OIP5: variants seen among roughly 807,000 people sequenced by gnomAD.
OIP5 encodes the protein Opa interacting protein 5.
Under a neutral mutation model 20.3 loss-of-function variants are expected in OIP5, and 24 were observed. The ratio of observed to expected loss-of-function variants is 1.18; its 90% CI spans 0.86 to 1.66. The LOEUF (loss-of-function observed/expected upper bound fraction) is 1.66, where lower values mean the gene tolerates loss of function less well. Ranked by LOEUF, OIP5 falls within the 40% of genes most tolerant of loss-of-function variation. OIP5 has a pLI of 0.00. For missense variants in OIP5, 339 were observed against 289.5 expected (o/e 1.17, Z -1.24); for synonymous variants, 143 against 121.3 (o/e 1.18, Z -1.17).
intron 2 of OIP5, among the ~76,000 whole-genome samples, chr15:41,327,504 A>T (rs541754101): frequency 6.6e-6 from 1 of 151,612 alleles, no homozygotes; most frequent in South Asian, 2.1e-4. Context: ...TTAAAAAGAA[A>T]AGAGGCTGGG....
chr15:41,330,590 A>C (rs1403071954), intron 2 of OIP5, among the ~76,000 whole-genome samples: 2 of 151,742 alleles, frequency 1.3e-5, no homozygotes, highest in Non-Finnish European at 2.9e-5. Context: ...TTTTTAGTAG[A>C]GACACGGTTT....
rs747873452 is a variant in OIP5 at position 41,332,280 on chromosome 15, G to A, written c.282C>T (p.Ala94=). The A allele has an allele frequency of 3.1e-5, 49 of 1,570,988 alleles. No homozygotes were observed. Among genetic ancestry groups the A allele is most frequent in the Middle Eastern group, 3.4e-4 (2 of 5,866 alleles). Reference sequence around the variant, plus strand: ...CCCCGAGGGACCGCGACAGGTCCCAGGCGAGGTGCACCGAGTCGGCGAGCA... The same window carrying A: ...CCCCGAGGGACCGCGACAGGTCCCAAGCGAGGTGCACCGAGTCGGCGAGCA... ...HAVLADSVHL[A]WDLSRSLGAV... is the part of the protein sequence containing the mutation. The change falls in exon 1 of 5, where the codon GCC becomes GCT. Residue 94 remains alanine (A), a synonymous_variant. Coordinates refer to ENST00000220514, the MANE Select transcript of OIP5 (RefSeq NM_007280.2).
intron 2 of OIP5, among the ~76,000 whole-genome samples, chr15:41,326,626 G>A (rs1017429712): frequency 2.0e-5 from 3 of 152,150 alleles, no homozygotes; most frequent in East Asian, 1.9e-4. Context: ...GGGTTTCCCC[G>A]TGTTGGCCAG....
At chr15:41,313,503 A>AC in intron 3 of OIP5, 149 bp from the exon 4 acceptor site, 2 of 579,024 alleles carry the variant, frequency 3.5e-6, no homozygotes, top group South Asian at 2.1e-5. Flanking sequence ...CAGTTGGCCC[A>AC]CCATATCCAT....
At chr15:41,311,629 G>T (rs1364512648) in intron 4 of OIP5, among the ~76,000 whole-genome samples, 1 of 152,026 alleles carries the variant, frequency 6.6e-6, no homozygotes, top group African/African-American at 2.4e-5. Flanking sequence ...ATGCAATGGC[G>T]TGATCTTGGC....
At chr15:41,327,720 G>A (rs1487565429) in intron 2 of OIP5, among the ~76,000 whole-genome samples, 2 of 152,006 alleles carry the variant, frequency 1.3e-5, no homozygotes, top group Non-Finnish European at 2.9e-5. Flanking sequence ...CCCGGGAGGC[G>A]GAGTTTGCAG....
At chr15:41,327,710 C>G (rs2047870773) in intron 2 of OIP5, among the ~76,000 whole-genome samples, 1 of 152,036 alleles carries the variant, frequency 6.6e-6, no homozygotes, top group South Asian at 2.1e-4. Flanking sequence ...ATCACTTGAA[C>G]CCGGGAGGCG....
intron 4 of OIP5, 47 bp downstream of exon 4, chr15:41,313,226 G>T: frequency 1.8e-6 from 2 of 1,130,976 alleles, no homozygotes; most frequent in Non-Finnish European, 2.7e-6. Context: ...AAGTTATCAA[G>T]AGTTGTCTGT....
chr15:41,325,234 C>G (rs2047854211), intron 2 of OIP5, among the ~76,000 whole-genome samples: 1 of 151,868 alleles, frequency 6.6e-6, no homozygotes, highest in Non-Finnish European at 1.5e-5. Flanking sequence ...AAAACCCCAT[C>G]TCTACTAAAA....
At chr15:41,313,992 T>C (rs1166903079) in intron 3 of OIP5, among the ~76,000 whole-genome samples, 1 of 152,152 alleles carries the variant, frequency 6.6e-6, no homozygotes, top group African/African-American at 2.4e-5. Flanking sequence ...ATATGAATAA[T>C]TACGATGATT....
Position 41,332,460 on chromosome 15 carries a change from C to T in OIP5, c.102G>A (p.Thr34=). 2 of 1,614,080 alleles carry T rather than the reference C, an allele frequency of 1.2e-6. No homozygotes were observed. Among genetic ancestry groups the T allele is most frequent in the South Asian group, 1.1e-5 (1 of 91,080 alleles). The change falls in exon 1 of 5, where the codon ACG becomes ACA. Residue 34 remains threonine (T), a synonymous_variant. Coordinates refer to ENST00000220514, the MANE Select transcript of OIP5 (RefSeq NM_007280.2). ...CCTGCGTATCCCACTCCATGGAGGTCGTAAAAGAAGCTTGGTCAATCGCCC... is the reference window on the plus strand; with the variant it reads ...CCTGCGTATCCCACTCCATGGAGGTTGTAAAAGAAGCTTGGTCAATCGCCC... ...TERAIDQASF[T]TSMEWDTQVV... is the part of the protein sequence containing the mutation.
intron 2 of OIP5, among the ~76,000 whole-genome samples, chr15:41,330,576 T>G (rs917374220): frequency 1.3e-5 from 2 of 152,098 alleles, no homozygotes; most frequent in Non-Finnish European, 2.9e-5. Flanking sequence ...GCTAATTTTT[T>G]GTATTTTTAG....
At chr15:41,322,261 A>G (rs534750964) in intron 2 of OIP5, among the ~76,000 whole-genome samples, 5 of 152,306 alleles carry the variant, frequency 3.3e-5, no homozygotes, top group Admixed American at 6.5e-5. Flanking sequence ...CAACATGGTA[A>G]TACCCCGTCT....
At chr15:41,318,880 A>T (rs560985792) in intron 3 of OIP5, among the ~76,000 whole-genome samples, 9 of 146,412 alleles carry the variant, frequency 6.1e-5, no homozygotes, top group African/African-American at 2.0e-4. Context: ...AATTTTGTAT[A>T]AAAAAAAAAC....
intron 2 of OIP5, among the ~76,000 whole-genome samples, chr15:41,324,328 C>T (rs1173489159): frequency 1.3e-5 from 2 of 151,922 alleles, no homozygotes; most frequent in African/African-American, 4.8e-5. Flanking sequence ...TCTGCAGCTT[C>T]CTCACCTCTC....
intron 3 of OIP5, among the ~76,000 whole-genome samples, chr15:41,316,789 C>CAAAA (rs11385589): frequency 8.1e-5 from 5 of 61,786 alleles, no homozygotes; most frequent in African/African-American, 2.4e-4. Context: ...GACTCCATCT[C>CAAAA]AAAAAAAAAA....
intron 4 of OIP5, 29 bp from the exon 5 acceptor site, chr15:41,309,878 G>T: frequency 6.7e-7 from 1 of 1,488,332 alleles, no homozygotes; most frequent in Non-Finnish European, 9.3e-7. Context: ...AGATATCAGG[G>T]CATCTTTTTT....
At position 41,321,153 on chromosome 15, in the gene OIP5, G is replaced by T. The variant is rs529247325; in HGVS notation, c.390-1373C>A. Among the ~76,000 whole-genome samples, 5 of 148,514 alleles carry T rather than the reference G, an allele frequency of 3.4e-5. No individual in the cohort carries two copies. The East Asian group carries it at 9.9e-4, about 30-fold the overall frequency. ...CAGCCACCCTGTCGGGGAGGGAGGT[G>T]GGGGGTCAGCCCCCCGCCCAGCCAG... On this transcript the variant is annotated intron_variant, in intron 2 of 4. Coordinates refer to ENST00000220514, the MANE Select transcript of OIP5 (RefSeq NM_007280.2).
intron 2 of OIP5, among the ~76,000 whole-genome samples, chr15:41,325,493 G>A (rs934041685): frequency 6.6e-6 from 1 of 151,558 alleles, no homozygotes; most frequent in African/African-American, 2.4e-5. Flanking sequence ...GTTAGAAATG[G>A]TGTCAACAGA....
Sources: gnomAD v4.1 joint callset for allele counts (sites outside exome capture counted in the v4.1 genomes callset) on GRCh38, gnomAD v4.1.1 for gene constraint, MANE v1.5 for transcripts, NCBI Gene and HGNC (gene_info 2026-07-23, HGNC 2026-07-21) for gene names.